The following SBF2 variants were observed in gnomAD, a reference collection of about 807,000 sequenced individuals.
SBF2 encodes the protein myotubularin-related protein 13.
A neutral mutation model predicts 225.2 loss-of-function variants in SBF2; 112 were observed. That is an observed-to-expected ratio of 0.50 (90% CI 0.43 to 0.58). The LOEUF (loss-of-function observed/expected upper bound fraction) is 0.58. Among genes scored for constraint, SBF2 ranks in the 20% least tolerant of loss-of-function variants. The pLI, the probability that SBF2 is intolerant of heterozygous loss-of-function variation, is 0.00. For missense variants in SBF2, 1,996 were observed against 2,206.2 expected (o/e 0.90, Z 1.91); for synonymous variants, 763 against 773.3 (o/e 0.99, Z 0.22).
chr11:10,059,171 AAT>A (rs1196044011), intron 2 of SBF2, among the ~76,000 whole-genome samples: 1 of 152,180 alleles, frequency 6.6e-6, no homozygotes, highest in Non-Finnish European at 1.5e-5. Flanking sequence ...ATTAACCTCA[AAT>A]ATAAACAGGC....
chr11:9,849,182 T>A (rs997003940), intron 22 of SBF2, among the ~76,000 whole-genome samples: 9 of 150,724 alleles, frequency 6.0e-5, no homozygotes, highest in African/African-American at 2.2e-4. Flanking sequence ...GAAACTGGTA[T>A]TTTTTTTTAA....
chr11:10,025,086 C>T (rs1290163644), intron 6 of SBF2, among the ~76,000 whole-genome samples: 2 of 152,090 alleles, frequency 1.3e-5, no homozygotes, highest in Non-Finnish European at 2.9e-5. Context: ...GCATTTCTTT[C>T]ATATAGTTTT....
chr11:10,128,738 T>A (rs1953883143), intron 2 of SBF2, among the ~76,000 whole-genome samples: 1 of 152,242 alleles, frequency 6.6e-6, no homozygotes, highest in Non-Finnish European at 1.5e-5. Context: ...TTTTATTAAT[T>A]TATAAACTCA....
intron 16 of SBF2, among the ~76,000 whole-genome samples, chr11:9,904,370 T>G (rs1289455949): frequency 6.6e-6 from 1 of 152,154 alleles, no homozygotes; most frequent in Non-Finnish European, 1.5e-5. Context: ...AAGCACTACA[T>G]AATAATAAAT....
At chr11:9,831,895 G>GAA (rs573346426) in intron 27 of SBF2, among the ~76,000 whole-genome samples, 66 of 152,210 alleles carry the variant, frequency 4.3e-4, no homozygotes, top group Non-Finnish European at 8.2e-4. Context: ...CCAGGAGAAA[G>GAA]AAAAAAGATT....
intron 11 of SBF2, 82 bp from the exon 12 acceptor site, chr11:9,992,625 C>A: frequency 7.4e-7 from 1 of 1,348,208 alleles, no homozygotes; most frequent in South Asian, 1.4e-5. Flanking sequence ...ATAAAAAGAT[C>A]AAAGCCTATA....
intron 13 of SBF2, among the ~76,000 whole-genome samples, chr11:9,987,724 C>T (rs1947260118): frequency 6.6e-6 from 1 of 151,992 alleles, no homozygotes; most frequent in Non-Finnish European, 1.5e-5. Flanking sequence ...AGTCCAAAGA[C>T]CGCTACATGG....
chr11:10,097,968 G>T (rs1434410010), intron 2 of SBF2, among the ~76,000 whole-genome samples: 2 of 151,890 alleles, frequency 1.3e-5, no homozygotes, highest in Admixed American at 6.6e-5. Context: ...AAAGGGTGGG[G>T]ACTCAAAACA....
rs1171505548 is a variant in SBF2 at position 10,293,634 on chromosome 11, C to T, written c.55+381G>A. Among the ~76,000 whole-genome samples, 5 of 152,308 alleles carry T rather than the reference C, an allele frequency of 3.3e-5. No homozygotes were observed. The East Asian group carries it at 9.6e-4, about 29-fold the overall frequency. On this transcript the variant is annotated intron_variant, in intron 1 of 39. Transcript: ENST00000256190. ...TCAGGATGCAGGGCAGAAGTTTATC[C>T]CCGAGGAACTTAGCACAGTTGGCTC...
intron 16 of SBF2, 57 bp downstream of exon 16, chr11:9,961,899 TG>T: frequency 6.5e-7 from 1 of 1,544,716 alleles, no homozygotes; most frequent in Non-Finnish European, 8.9e-7. Context: ...CAAAATATTC[TG>T]GAAAAATGAA....
intron 16 of SBF2, among the ~76,000 whole-genome samples, chr11:9,908,118 C>A (rs1025911234): frequency 3.9e-5 from 6 of 152,052 alleles, no homozygotes; most frequent in African/African-American, 1.5e-4. Context: ...AAATAATATC[C>A]TCAAGAGAGT....
intron 2 of SBF2, among the ~76,000 whole-genome samples, chr11:10,173,611 CTT>C: frequency 6.6e-6 from 1 of 152,208 alleles, no homozygotes; most frequent in Non-Finnish European, 1.5e-5. Context: ...CCCAGGCTTG[CTT>C]AGGTAAACAA....
At chr11:9,832,112 GT>G in intron 27 of SBF2, 111 bp downstream of exon 27, 1 of 903,912 alleles carries the variant, frequency 1.1e-6, no homozygotes, top group Non-Finnish European at 1.8e-6. Context: ...GGAAAAGTTT[GT>G]GTGTGAGACA....
rs1204739991 is a variant in SBF2, at chr11:9,895,947, T to C, written c.1925A>G (p.Tyr642Cys). ...AALLPLTSAFYRKLAPGVSQF... is the reference protein window; with the variant it reads ...AALLPLTSAFCRKLAPGVSQF... The stretch of plus-strand genomic sequence containing the variant: ...ATATGGACCAATGAAACTTACCCTA[T>C]AGAAAGCACTGGTCAAAGGGAGTAA... Residue 642 changes from tyrosine (Y) to cysteine (C), a missense_variant, in exon 17 of 40, where the codon TAT (tyrosine) becomes TGT (cysteine). Physicochemically the swap from Tyr to Cys is radical, Grantham distance 194. Transcript: ENST00000256190. 15 of 1,609,672 alleles carry C rather than the reference T, an allele frequency of 9.3e-6. No homozygotes were observed. The highest frequency in any genetic ancestry group is 4.5e-5 in the East Asian group (2 of 44,792).
chr11:10,242,366 AC>A (rs1224922938), intron 1 of SBF2, among the ~76,000 whole-genome samples: 2 of 152,080 alleles, frequency 1.3e-5, no homozygotes, highest in Non-Finnish European at 2.9e-5. Context: ...CATAGTAGGT[AC>A]AAAAAAAGAT....
intron 2 of SBF2, among the ~76,000 whole-genome samples, chr11:10,173,798 A>T (rs1311999325): frequency 1.3e-5 from 2 of 149,684 alleles, no homozygotes; most frequent in Non-Finnish European, 3.0e-5. Flanking sequence ...TTCTCCCAGC[A>T]CGCAGCTGGA....
chr11:10,248,062 T>C (rs566876364), intron 1 of SBF2, among the ~76,000 whole-genome samples: 1 of 152,354 alleles, frequency 6.6e-6, no homozygotes, highest in African/African-American at 2.4e-5. Context: ...AAGCTGCTTC[T>C]TTGACTTTTA....
rs571407139 is a variant in SBF2, at chr11:9,982,494, G to C, written c.1395+7003C>G. Among the ~76,000 whole-genome samples, 4 of 152,248 alleles carry C rather than the reference G, an allele frequency of 2.6e-5. No individual in the cohort carries two copies. In the East Asian group the frequency reaches 5.8e-4, roughly 22 times the overall value. On this transcript the variant is annotated intron_variant, in intron 13 of 39. Transcript: ENST00000256190. The stretch of plus-strand genomic sequence containing the variant: ...ATCCAGAGCAAAAAAACTATCACAG[G>C]AAGCTTTCTAGTTCTGTGAACAAAA...
chr11:9,979,658 T>C (rs914835279), intron 13 of SBF2, among the ~76,000 whole-genome samples: 5 of 152,228 alleles, frequency 3.3e-5, no homozygotes, highest in Non-Finnish European at 5.9e-5. Flanking sequence ...ATAATTTATT[T>C]ATACTTTTGC....
Sources: gnomAD v4.1 joint callset for allele counts (sites outside exome capture counted in the v4.1 genomes callset) on GRCh38, gnomAD v4.1.1 for gene constraint, MANE v1.5 for transcripts, NCBI Gene and HGNC (gene_info 2026-07-23, HGNC 2026-07-21) for gene names.